Variants in GTPBP10 observed in about 807,000 individuals in gnomAD.
The protein encoded by GTPBP10 is GTP-binding protein 10.
A neutral mutation model predicts 44.8 loss-of-function variants in GTPBP10; 38 were observed. That is an observed-to-expected ratio of 0.85 (90% CI 0.65 to 1.11). The LOEUF (loss-of-function observed/expected upper bound fraction) is 1.11, where lower values mean the gene tolerates loss of function less well. Ranked by LOEUF, GTPBP10 falls within the 50% of genes most tolerant of loss-of-function variation. The probability of loss-of-function intolerance (pLI) is 0.00; values close to 1 mark genes in which losing one functional copy is unlikely to be tolerated. For missense variants in GTPBP10, 462 were observed against 453.7 expected, an observed-to-expected ratio of 1.02 and a Z score of -0.17; for synonymous variants, 152 against 150.6, an observed-to-expected ratio of 1.01 and a Z score of -0.07.
At chr7:90,372,335 A>G in intron 5 of GTPBP10, 107 bp downstream of exon 5, 1 of 806,392 alleles carries the variant, frequency 1.2e-6, no homozygotes. Context: ...TCCTTAACTG[A>G]AAAATTTTTG....
chr7:90,352,593 T>C (rs1163609484), intron 1 of GTPBP10, among the ~76,000 whole-genome samples: 10 of 152,092 alleles, frequency 6.6e-5, no homozygotes, highest in Non-Finnish European at 1.3e-4. Flanking sequence ...GGGACAATAA[T>C]TGATAACTGA....
rs29001590 is a variant in GTPBP10, at chr7:90,349,125, A to C, written c.33+2351A>C. ...AAATCCTGTGAAATTATAACACAACACAACACCTGGACAAAGTTTTCTCCA... is the reference window on the plus strand; with the variant it reads ...AAATCCTGTGAAATTATAACACAACCCAACACCTGGACAAAGTTTTCTCCA... On this transcript the variant is annotated intron_variant, in intron 1 of 9. Coordinates refer to ENST00000222511, the MANE Select transcript of GTPBP10 (RefSeq NM_033107.4). 5.3e-5 allele frequency among the ~76,000 whole-genome samples: 8 copies of C among 152,314 alleles called. No homozygotes were observed. In the East Asian group the frequency reaches 1.5e-3, roughly 29 times the overall value.
At position 90,356,245 on chromosome 7, in the gene GTPBP10, C is replaced by G. The variant is rs572750418; in HGVS notation, c.464+1015C>G. Among the ~76,000 whole-genome samples the G allele has an allele frequency of 4.6e-5, 7 of 152,284 alleles. No homozygotes were observed. In the South Asian group the frequency reaches 1.0e-3, roughly 23 times the overall value. ...CATTGGTTTAGGGTTCACAGAGGCC[C>G]CATTCCTGCTAAAATTATAACAAGG... is the stretch of plus-strand genomic sequence containing the variant. On this transcript the variant is annotated intron_variant, in intron 4 of 9. Transcript: ENST00000222511.
chr7:90,382,897 T>C, intron 8 of GTPBP10, 59 bp from the exon 9 acceptor site: 18 of 1,204,700 alleles, frequency 1.5e-5, no homozygotes, highest in Non-Finnish European at 2.0e-5. Flanking sequence ...AATTACCAAA[T>C]AAGTAGTTTA....
chr7:90,368,009 A>G (rs1284548757), intron 4 of GTPBP10, among the ~76,000 whole-genome samples: 1 of 152,146 alleles, frequency 6.6e-6, no homozygotes, highest in Non-Finnish European at 1.5e-5. Context: ...TTGCTTGTCT[A>G]TAAAGGATTT....
chr7:90,356,764 C>T (rs534627972), intron 4 of GTPBP10, among the ~76,000 whole-genome samples: 2 of 152,166 alleles, frequency 1.3e-5, no homozygotes, highest in South Asian at 4.1e-4. Flanking sequence ...TAAGATAATG[C>T]ATTTACAGCA....
At chr7:90,362,344 A>C (rs174067) in intron 4 of GTPBP10, among the ~76,000 whole-genome samples, 1 of 152,062 alleles carries the variant, frequency 6.6e-6, no homozygotes, top group Admixed American at 6.6e-5. Context: ...GTTTGTTCTC[A>C]TTGGTTTCAA....
At chr7:90,379,553 G>C (rs1796399699) in intron 8 of GTPBP10, among the ~76,000 whole-genome samples, 1 of 152,160 alleles carries the variant, frequency 6.6e-6, no homozygotes, top group African/African-American at 2.4e-5. Flanking sequence ...ACATGGTATT[G>C]CCTTACCTCC....
intron 8 of GTPBP10, among the ~76,000 whole-genome samples, chr7:90,382,663 C>A (rs1200981230): frequency 6.6e-6 from 1 of 152,186 alleles, no homozygotes; most frequent in Non-Finnish European, 1.5e-5. Flanking sequence ...GTATAACATT[C>A]AGTGATCATT....
At chr7:90,372,256 A>T (rs1796271122) in intron 5 of GTPBP10, 28 bp downstream of exon 5, 1 of 1,369,954 alleles carries the variant, frequency 7.3e-7, no homozygotes, top group Non-Finnish European at 1.0e-6. Context: ...GTACATTTTA[A>T]TGAGTGGAGG....
rs1796600398 is a variant in GTPBP10, at chr7:90,390,802, A to G, written c.*5648A>G. The G allele has an allele frequency of 6.6e-6, 1 of 152,140 alleles. No individual in the cohort carries two copies. The highest frequency in any genetic ancestry group is 2.1e-4 in the South Asian group (1 of 4,834). 9.4% of individuals were successfully genotyped at this position (152,140 alleles called of 1,614,324 possible). A position where few individuals can be genotyped will look rare whatever the true frequency, so the allele number is the denominator to read the frequency against. On this transcript the variant is annotated 3_prime_UTR_variant, in exon 10 of 10. Transcript: ENST00000222511. The stretch of plus-strand genomic sequence containing the variant: ...TTCTAGTTGGTTACCAAATACTGTT[A>G]TTGGTATTATTTCTATATAAAAGGC...
Position 90,389,360 on chromosome 7 carries a change from A to G in GTPBP10, c.*4206A>G, listed in dbSNP as rs1412961574. 6.6e-6 allele frequency: 1 copy of G among 151,326 alleles called. No individual in the cohort carries two copies. The allele number at this position is 151,326 out of a possible 1,614,324, so 9.4% of individuals were successfully genotyped here. A position where few individuals can be genotyped will look rare whatever the true frequency, so the allele number is the denominator to read the frequency against. On this transcript the variant is annotated 3_prime_UTR_variant, in exon 10 of 10. Coordinates refer to ENST00000222511, the MANE Select transcript of GTPBP10 (RefSeq NM_033107.4). Reference sequence around the variant, plus strand: ...GGTGAATACATGAGTTGTTTTTTAAACTCTTTTGGGAGCCTAAAAAATTTG... The same window carrying G: ...GGTGAATACATGAGTTGTTTTTTAAGCTCTTTTGGGAGCCTAAAAAATTTG...
Position 90,354,512 on chromosome 7 carries a change from G to T in GTPBP10, c.282G>T (p.Val94=). 1.6e-5 allele frequency: 26 copies of T among 1,588,172 alleles called. No individual in the cohort carries two copies. Among genetic ancestry groups the T allele is most frequent in the Non-Finnish European group, 2.1e-5 (25 of 1,167,492 alleles). ...KGKDCEIPVP[V]GISVTDENGK... ...AAGACTGTGAAATCCCTGTGCCTGT[G>T]GGTATTTCAGTAACTGATGAAAATG... Residue 94 remains valine (V), a synonymous_variant, in exon 3 of 10, where the codon GTG becomes GTT. Coordinates refer to ENST00000222511, the MANE Select transcript of GTPBP10 (RefSeq NM_033107.4).
chr7:90,377,677 C>G, intron 7 of GTPBP10, 63 bp downstream of exon 7: 1 of 1,151,002 alleles, frequency 8.7e-7, no homozygotes, highest in Non-Finnish European at 1.2e-6. Context: ...TTTAGTTTTT[C>G]TAGAATTTTT....
intron 4 of GTPBP10, among the ~76,000 whole-genome samples, chr7:90,368,695 A>C (rs935109633): frequency 1.3e-5 from 2 of 151,850 alleles, no homozygotes; most frequent in Non-Finnish European, 2.9e-5. Flanking sequence ...CATTCGTCTA[A>C]CCTTTTTTGA....
intron 4 of GTPBP10, among the ~76,000 whole-genome samples, chr7:90,363,981 T>C (rs1287623401): frequency 1.3e-5 from 2 of 152,254 alleles, no homozygotes; most frequent in Non-Finnish European, 2.9e-5. Flanking sequence ...GGTTTGCAGC[T>C]CCATCAGGTC....
In GTPBP10 at chr7:90,387,728, A is replaced by T. The variant is rs927571502; in HGVS notation, c.*2574A>T. 1 of 152,226 alleles carries T rather than the reference A, an allele frequency of 6.6e-6. No individual in the cohort carries two copies. Among genetic ancestry groups the T allele is most frequent in the Non-Finnish European group, 1.5e-5 (1 of 68,052 alleles). The allele number at this position is 152,226 out of a possible 1,614,324, so 9.4% of individuals were successfully genotyped here. On this transcript the variant is annotated 3_prime_UTR_variant, in exon 10 of 10. Transcript: ENST00000222511. ...AACAGACAGGACCTACTGTCCTTGT[A>T]TATCTTGCCTTTGATAACAGAAACT...
At chr7:90,361,667 C>T (rs1328634502) in intron 4 of GTPBP10, among the ~76,000 whole-genome samples, 3 of 152,202 alleles carry the variant, frequency 2.0e-5, no homozygotes, top group Non-Finnish European at 4.4e-5. Context: ...GGAGGATTCC[C>T]TCTTTTTCTA....
intron 4 of GTPBP10, among the ~76,000 whole-genome samples, chr7:90,371,713 A>C (rs1439112811): frequency 6.6e-6 from 1 of 152,204 alleles, no homozygotes; most frequent in Non-Finnish European, 1.5e-5. Context: ...ATATTTGTTG[A>C]AGCTAGGTGA....
Sources: allele counts gnomAD v4.1 joint callset (sites outside exome capture counted in the v4.1 genomes callset), GRCh38; gene constraint gnomAD v4.1.1; transcripts MANE v1.5; gene names NCBI Gene and HGNC (gene_info 2026-07-23, HGNC 2026-07-21).